Variants in CSMD3 observed in about 807,000 individuals in gnomAD.
CSMD3 encodes CUB and sushi domain-containing protein 3.
In CSMD3, 177 loss-of-function variants were observed where a neutral mutation model predicts 435.2. The ratio of observed to expected loss-of-function variants is 0.41; its 90% CI spans 0.36 to 0.46. The LOEUF (loss-of-function observed/expected upper bound fraction) is 0.46. CSMD3 is among the 20% of genes least tolerant of loss of function. The probability of loss-of-function intolerance (pLI) is 0.34; values close to 1 mark genes in which losing one functional copy is unlikely to be tolerated. For synonymous variants in CSMD3, 1,656 were observed against 1,520.5 expected, an observed-to-expected ratio of 1.09 and a Z score of -2.07; for missense variants, 4,265 against 4,504.6, an observed-to-expected ratio of 0.95 and a Z score of 1.52.
intron 28 of CSMD3, among the ~76,000 whole-genome samples, chr8:112,511,388 T>TC (rs1004016837): frequency 5.6e-5 from 6 of 107,850 alleles, no homozygotes; most frequent in East Asian, 3.3e-4. Context: ...TCTTTTCTTT[T>TC]TTTTTTTTTT....
intron 20 of CSMD3, among the ~76,000 whole-genome samples, chr8:112,642,552 T>C (rs16883901): frequency 0.032 from 4,825 of 152,234 alleles, 233 homozygotes; most frequent in African/African-American, 0.094. Flanking sequence ...TTGTTAAGAT[T>C]CTTATAAACC....
intron 5 of CSMD3, among the ~76,000 whole-genome samples, chr8:113,045,034 T>C (rs2087770838): frequency 6.7e-6 from 1 of 149,164 alleles, no homozygotes; most frequent in Admixed American, 6.7e-5. Flanking sequence ...CACAACACTT[T>C]ATATTGCCTC....
chr8:112,984,878 A>T (rs12678623), intron 6 of CSMD3, among the ~76,000 whole-genome samples: 18,646 of 151,994 alleles, frequency 0.12, 1,999 homozygotes, highest in African/African-American at 0.29. Flanking sequence ...TTTCAATCAC[A>T]TTCTAAACCA....
At chr8:112,921,808 G>T (rs566639279) in intron 9 of CSMD3, 57 bp from the exon 10 acceptor site, 76 of 1,383,494 alleles carry the variant, frequency 5.5e-5, no homozygotes, top group Non-Finnish European at 7.5e-5. Flanking sequence ...TAATAACTAG[G>T]CTTCACTTCT....
At chr8:112,704,235 T>G (rs774191783) in intron 13 of CSMD3, among the ~76,000 whole-genome samples, 1 of 152,028 alleles carries the variant, frequency 6.6e-6, no homozygotes, top group Admixed American at 6.6e-5. Context: ...CCACCTCAAC[T>G]GCTGAGTAGC....
chr8:112,600,960 C>T (rs1004311258), intron 22 of CSMD3, among the ~76,000 whole-genome samples: 3 of 151,986 alleles, frequency 2.0e-5, no homozygotes, highest in Admixed American at 6.6e-5. Flanking sequence ...TGAGCCACCG[C>T]GCCCGGTCCC....
chr8:112,963,634 C>G, intron 7 of CSMD3, among the ~76,000 whole-genome samples: 1 of 151,656 alleles, frequency 6.6e-6, no homozygotes, highest in East Asian at 1.9e-4. Context: ...GTAAGAAACA[C>G]AGAGATTCAC....
intron 1 of CSMD3, among the ~76,000 whole-genome samples, chr8:113,435,915 C>G (rs1374588526): frequency 6.6e-6 from 1 of 152,038 alleles, no homozygotes; most frequent in Non-Finnish European, 1.5e-5. Flanking sequence ...CACCTACCCC[C>G]TCCCCTATCT....
intron 32 of CSMD3, among the ~76,000 whole-genome samples, chr8:112,416,940 A>C (rs1448637752): frequency 1.3e-5 from 2 of 152,122 alleles, no homozygotes; most frequent in Non-Finnish European, 2.9e-5. Context: ...AAACCTGTAA[A>C]CCTGTTTTGA....
rs764906461 is a variant in CSMD3, at chr8:113,173,882, A to G, written c.549T>C (p.Val183=). Residue 183 remains valine, a synonymous_variant, in exon 4 of 71, where the codon GTT becomes GTC. Coordinates refer to ENST00000297405, the MANE Select transcript of CSMD3 (RefSeq NM_198123.2). ...LQSSSCGNPG[V]PPKGVLYGTR... ...TGCCATATAATACACCTTTGGGTGG[A>G]ACACCAGGATTTCCACAAGAGCTAC... 4.3e-6 allele frequency: 7 copies of G among 1,613,704 alleles called. No individual in the cohort carries two copies. In the Admixed American group the frequency reaches 6.7e-5, roughly 15 times the overall value.
At position 112,459,606 on chromosome 8, in the gene CSMD3, G is replaced by T. The variant is rs192190393; in HGVS notation, c.5395+12985C>A. 7.2e-4 allele frequency among the ~76,000 whole-genome samples: 109 copies of T among 152,212 alleles called. 1 individual carries two copies. The highest frequency in any genetic ancestry group is 2.5e-3 in the African/African-American group (104 of 41,542). On this transcript the variant is annotated intron_variant, in intron 32 of 70. Transcript: ENST00000297405. The stretch of plus-strand genomic sequence containing the variant: ...GGTGAATATTATCCCTGGGTTATCT[G>T]ACTACTCAATTAGACAATATACTAA...
At chr8:113,154,819 G>A (rs1052037468) in intron 4 of CSMD3, among the ~76,000 whole-genome samples, 1 of 151,930 alleles carries the variant, frequency 6.6e-6, no homozygotes, top group Non-Finnish European at 1.5e-5. Flanking sequence ...TTTGGAATGT[G>A]CAATATTTGT....
intron 38 of CSMD3, among the ~76,000 whole-genome samples, chr8:112,352,952 T>C (rs1826265317): frequency 6.6e-6 from 1 of 152,150 alleles, no homozygotes; most frequent in Non-Finnish European, 1.5e-5. Context: ...ATTTGCTATT[T>C]TGTCTTCCTT....
chr8:112,985,751 C>T (rs905850158), intron 6 of CSMD3, among the ~76,000 whole-genome samples: 23 of 152,144 alleles, frequency 1.5e-4, no homozygotes, highest in African/African-American at 5.5e-4. Context: ...AGCAAGAGAT[C>T]TAGGTTGCAA....
At chr8:113,219,680 T>G (rs1588300446) in intron 3 of CSMD3, among the ~76,000 whole-genome samples, 1 of 151,436 alleles carries the variant, frequency 6.6e-6, no homozygotes, top group Non-Finnish European at 1.5e-5. Context: ...ATACATAAAA[T>G]GTAAAGCTAT....
Position 112,236,410 on chromosome 8 carries a change from A to G in CSMD3, c.10627+780T>C, listed in dbSNP as rs1245095911. Among the ~76,000 whole-genome samples the G allele has an allele frequency of 2.0e-5, 3 of 152,252 alleles. No homozygotes were observed. The East Asian group carries it at 5.8e-4, about 29-fold the overall frequency. On this transcript the variant is annotated intron_variant, in intron 67 of 70. Coordinates refer to ENST00000297405, the MANE Select transcript of CSMD3 (RefSeq NM_198123.2). ...TTCTGCTAGCCTCTGGGAATACAAT[A>G]TTAAGTTGGAAGGCAAAGAGCTTTC...
At chr8:112,488,702 T>C (rs1464020945) in intron 31 of CSMD3, among the ~76,000 whole-genome samples, 1 of 152,134 alleles carries the variant, frequency 6.6e-6, no homozygotes, top group Non-Finnish European at 1.5e-5. Flanking sequence ...CACATATTAA[T>C]GTATAGCAAA....
intron 9 of CSMD3, among the ~76,000 whole-genome samples, chr8:112,934,302 C>T (rs1051441473): frequency 6.6e-6 from 1 of 152,048 alleles, no homozygotes; most frequent in East Asian, 1.9e-4. Flanking sequence ...TTTTTTATGG[C>T]ATATTTTGCC....
chr8:112,458,201 A>ACACACACACC (rs1554579426), intron 32 of CSMD3, among the ~76,000 whole-genome samples: 2 of 130,370 alleles, frequency 1.5e-5, no homozygotes, highest in Admixed American at 1.7e-4. Context: ...ACGTACACAC[A>ACACACACACC]CACACACTCA....
Sources: allele counts gnomAD v4.1 joint callset (sites outside exome capture counted in the v4.1 genomes callset), GRCh38; gene constraint gnomAD v4.1.1; transcripts MANE v1.5; gene names NCBI Gene and HGNC (gene_info 2026-07-23, HGNC 2026-07-21).